LIMS1: variants seen among roughly 807,000 people sequenced by gnomAD.
The protein encoded by LIMS1 is LIM zinc finger domain containing 1, also known as LIM and senescent cell antigen-like-containing domain protein 1.
Under a neutral mutation model 44.1 loss-of-function variants are expected in LIMS1, and 18 were observed. The ratio of observed to expected loss-of-function variants is 0.41; its 90% CI spans 0.28 to 0.61. The LOEUF is 0.61. Ranked by LOEUF, LIMS1 falls within the 20% of genes least tolerant of loss-of-function variation. The probability of loss-of-function intolerance (pLI) is 0.32; values close to 1 mark genes in which losing one functional copy is unlikely to be tolerated. For synonymous variants in LIMS1, 93 were observed against 149.1 expected, an observed-to-expected ratio of 0.62 and a Z score of 2.74; for missense variants, 201 against 422.0, an observed-to-expected ratio of 0.48 and a Z score of 4.59.
intron 1 of LIMS1, among the ~76,000 whole-genome samples, chr2:108,574,819 G>A (rs1216667641): frequency 1.3e-5 from 2 of 151,988 alleles, no homozygotes; most frequent in African/African-American, 2.4e-5. Context: ...TTTCAGCTAC[G>A]TTTTTTTGGT....
intron 1 of LIMS1, among the ~76,000 whole-genome samples, chr2:108,598,934 T>G (rs1256141348): frequency 6.6e-6 from 1 of 152,170 alleles, no homozygotes; most frequent in Non-Finnish European, 1.5e-5. Flanking sequence ...GTCTCTAAAC[T>G]TCAGTCTGTG....
At chr2:108,557,991 A>G (rs776339130) in intron 1 of LIMS1, among the ~76,000 whole-genome samples, 1 of 152,236 alleles carries the variant, frequency 6.6e-6, no homozygotes, top group African/African-American at 2.4e-5. Flanking sequence ...GAAATTATGG[A>G]TATAAAATAC....
intron 1 of LIMS1, among the ~76,000 whole-genome samples, chr2:108,577,671 C>A (rs1685718888): frequency 6.6e-6 from 1 of 152,108 alleles, no homozygotes; most frequent in South Asian, 2.1e-4. Context: ...ATTTTACATT[C>A]TTAACAAACA....
At chr2:108,561,896 C>A (rs1685137840) in intron 1 of LIMS1, among the ~76,000 whole-genome samples, 1 of 152,004 alleles carries the variant, frequency 6.6e-6, no homozygotes, top group South Asian at 2.1e-4. Context: ...GCTCATGCCA[C>A]CATGCCCAGC....
At chr2:108,645,974 A>G (rs2148931678) in intron 1 of LIMS1, among the ~76,000 whole-genome samples, 1 of 152,308 alleles carries the variant, frequency 6.6e-6, no homozygotes, top group South Asian at 2.1e-4. Context: ...TGCACCCAAT[A>G]CAGGAGCACC....
At chr2:108,612,073 T>C (rs552379485) in intron 1 of LIMS1, among the ~76,000 whole-genome samples, 22 of 147,268 alleles carry the variant, frequency 1.5e-4, no homozygotes, top group African/African-American at 5.3e-4. Flanking sequence ...TATATATACA[T>C]ATATATATGC....
intron 9 of LIMS1, among the ~76,000 whole-genome samples, chr2:108,683,285 A>C (rs1693126346): frequency 6.6e-6 from 1 of 152,190 alleles, no homozygotes. Flanking sequence ...CACATTATAA[A>C]AATATGATTC....
intron 1 of LIMS1, among the ~76,000 whole-genome samples, chr2:108,554,782 G>A (rs547842499): frequency 2.0e-4 from 30 of 152,242 alleles, no homozygotes; most frequent in African/African-American, 7.0e-4. Context: ...CACTAGGGGA[G>A]GTGTGCTCTT....
Position 108,554,443 on chromosome 2 carries a change from A to G in LIMS1, c.32+19849A>G, listed in dbSNP as rs560720879. 1.9e-4 allele frequency among the ~76,000 whole-genome samples: 29 copies of G among 152,324 alleles called. 1 individual carries two copies. The South Asian group carries it at 3.5e-3, about 18-fold the overall frequency. On this transcript the variant is annotated intron_variant, in intron 1 of 9. Transcript: ENST00000544547. Reference sequence around the variant, plus strand: ...CCCATTGGGGTAGTGCTACTGAAGGACAGTCTCTGAAGAAGAGTATCTTCC... The same window carrying G: ...CCCATTGGGGTAGTGCTACTGAAGGGCAGTCTCTGAAGAAGAGTATCTTCC...
chr2:108,579,313 G>A (rs1685798674), intron 1 of LIMS1, among the ~76,000 whole-genome samples: 1 of 152,098 alleles, frequency 6.6e-6, no homozygotes, highest in Admixed American at 6.6e-5. Flanking sequence ...TATAGTAAGT[G>A]GCATGATTAA....
rs538476887 is a variant in LIMS1, at chr2:108,576,080, T to G, written c.32+41486T>G. On this transcript the variant is annotated intron_variant, in intron 1 of 9. Coordinates refer to ENST00000544547, the Ensembl canonical transcript of LIMS1. ...CAGAGACTTAGCAGTTACTGGGTTT[T>G]CCTACTCATTTTAGTACTGTTCTTG... is the stretch of plus-strand genomic sequence containing the variant. 4.6e-5 allele frequency among the ~76,000 whole-genome samples: 7 copies of G among 152,332 alleles called. No homozygotes were observed. The South Asian group carries it at 1.2e-3, about 27-fold the overall frequency.
At chr2:108,590,425 A>G (rs1030745289) in intron 1 of LIMS1, among the ~76,000 whole-genome samples, 5 of 152,244 alleles carry the variant, frequency 3.3e-5, no homozygotes, top group African/African-American at 7.2e-5. Context: ...TTTGCAAACA[A>G]CAAGGCACTT....
chr2:108,674,207 A>G lies in LIMS1; in HGVS notation c.530+1178A>G, dbSNP rs192816964. On this transcript the variant is annotated intron_variant, in intron 5 of 9. Transcript: ENST00000544547. ...TAGCCGGGCACGGTGGCGGGTGCCT[A>G]TAGTCCCAGCTACTTGGAAGGCTGA... Among the ~76,000 whole-genome samples the G allele has an allele frequency of 7.3e-3, 1,108 of 151,916 alleles. 7 individuals carry two copies. The highest frequency in any genetic ancestry group is 9.1e-3 in the Admixed American group (139 of 15,244).
chr2:108,680,183 A>G lies in LIMS1; in HGVS notation c.824-512A>G, dbSNP rs141489467. Among the ~76,000 whole-genome samples, 762 of 152,054 alleles carry G rather than the reference A, an allele frequency of 5.0e-3. 6 individuals are homozygous for G. The highest frequency in any genetic ancestry group is 0.017 in the African/African-American group (723 of 41,464). On this transcript the variant is annotated intron_variant, in intron 8 of 9. Coordinates refer to ENST00000544547, the Ensembl canonical transcript of LIMS1. ...CAAGAGATTGAGACCATCTTGGCCA[A>G]CATGGTGAAATCCCGTCTCTATTAA...
intron 1 of LIMS1, among the ~76,000 whole-genome samples, chr2:108,630,049 C>A (rs1688807953): frequency 2.6e-5 from 4 of 151,968 alleles, no homozygotes; most frequent in Admixed American, 2.0e-4. Context: ...CAAAAATTAG[C>A]CAAGCGTGGT....
chr2:108,656,323 A>G (rs1461362014), intron 1 of LIMS1, among the ~76,000 whole-genome samples: 2 of 74,012 alleles, frequency 2.7e-5, no homozygotes, highest in Admixed American at 1.3e-4. Flanking sequence ...CTATCTATAG[A>G]TAGATAGATA....
intron 1 of LIMS1, among the ~76,000 whole-genome samples, chr2:108,535,854 C>T (rs973372834): frequency 1.3e-5 from 2 of 152,150 alleles, no homozygotes; most frequent in Non-Finnish European, 2.9e-5. Context: ...GTCAGTTGTT[C>T]TTTCCCGTAA....
At chr2:108,550,806 A>G (rs1387716360) in intron 1 of LIMS1, among the ~76,000 whole-genome samples, 1 of 142,924 alleles carries the variant, frequency 7.0e-6, no homozygotes, top group Non-Finnish European at 1.5e-5. Context: ...GCAGAGAGAG[A>G]CTCCGTCTCA....
intron 1 of LIMS1, among the ~76,000 whole-genome samples, chr2:108,584,600 C>T (rs183484182): frequency 1.5e-4 from 23 of 152,050 alleles, no homozygotes; most frequent in African/African-American, 4.8e-4. Flanking sequence ...ATGATCCTCG[C>T]GGAGTAAATG....
Sources: allele counts gnomAD v4.1 joint callset (sites outside exome capture counted in the v4.1 genomes callset), GRCh38; gene constraint gnomAD v4.1.1; transcripts MANE v1.5; gene names NCBI Gene and HGNC (gene_info 2026-07-23, HGNC 2026-07-21).